The following MKLN1 variants were observed in gnomAD, a reference collection of about 807,000 sequenced individuals.
MKLN1 encodes the protein muskelin 1.
MKLN1 carries 18 observed loss-of-function variants against 99.0 expected under a neutral mutation model. The ratio of observed to expected loss-of-function variants is 0.18; its 90% CI spans 0.13 to 0.27. The LOEUF (loss-of-function observed/expected upper bound fraction) is 0.27, where lower values mean the gene tolerates loss of function less well. Among genes scored for constraint, MKLN1 ranks in the 10% least tolerant of loss-of-function variants. The pLI, the probability that MKLN1 is intolerant of heterozygous loss-of-function variation, is 1.00. For synonymous variants in MKLN1, 288 were observed against 293.2 expected (o/e 0.98, Z 0.18); for missense variants, 621 against 875.9 (o/e 0.71, Z 3.67).
chr7:131,328,661 C>G (rs1798971457), intron 1 of MKLN1, among the ~76,000 whole-genome samples: 2 of 152,110 alleles, frequency 1.3e-5, no homozygotes, highest in Admixed American at 1.3e-4. Context: ...TTCAGTATTA[C>G]GGCTCATTAG....
chr7:131,384,612 G>T (rs143176685), intron 2 of MKLN1, among the ~76,000 whole-genome samples: 3 of 152,248 alleles, frequency 2.0e-5, no homozygotes, highest in Non-Finnish European at 2.9e-5. Context: ...CCATCGATTT[G>T]TTATAATTTG....
intron 3 of MKLN1, among the ~76,000 whole-genome samples, chr7:131,268,816 G>C (rs1797845417): frequency 1.3e-5 from 2 of 152,142 alleles, no homozygotes; most frequent in Non-Finnish European, 2.9e-5. Context: ...TGCTGTTCTT[G>C]TATGTCGTCA....
At chr7:131,141,254 G>T (rs575867171) in intron 1 of MKLN1, among the ~76,000 whole-genome samples, 13 of 152,280 alleles carry the variant, frequency 8.5e-5, no homozygotes, top group African/African-American at 2.6e-4. Context: ...ACTGCTTGCT[G>T]TTGCTCTGAA....
chr7:131,466,139 C>T (rs1394075632), intron 14 of MKLN1, 137 bp from the exon 15 acceptor site: 6 of 556,098 alleles, frequency 1.1e-5, no homozygotes, highest in African/African-American at 7.8e-5. Context: ...TCAAGAGAAG[C>T]TTTTGGTAAA....
chr7:131,273,347 G>C (rs961752777), intron 3 of MKLN1, among the ~76,000 whole-genome samples: 20 of 1,274 alleles, frequency 0.016, no homozygotes, highest in Non-Finnish European at 0.13. Context: ...TTTGGAAAAG[G>C]TCCATTTTTT....
At position 131,489,551 on chromosome 7, in the gene MKLN1, G is replaced by T. The variant is rs1337313794; in HGVS notation, c.*1823G>T. ...CCTGTTAAATCTTTTGTGGAGACAG[G>T]TGCAAATCAGAAGATTGACAAGGAA... On this transcript the variant is annotated 3_prime_UTR_variant, in exon 18 of 18. Coordinates refer to ENST00000352689, the MANE Select transcript of MKLN1 (RefSeq NM_013255.5). 1 of 152,102 alleles carries T rather than the reference G, an allele frequency of 6.6e-6. No individual in the cohort carries two copies. Among genetic ancestry groups the T allele is most frequent in the East Asian group, 1.9e-4 (1 of 5,204 alleles). 9.4% of individuals were successfully genotyped at this position (152,102 alleles called of 1,614,324 possible).
At chr7:131,466,070 A>T (rs951026214) in intron 14 of MKLN1, among the ~76,000 whole-genome samples, 1 of 152,180 alleles carries the variant, frequency 6.6e-6, no homozygotes, top group Non-Finnish European at 1.5e-5. Context: ...TCACTTTGGC[A>T]TATGTGCAGT....
chr7:131,465,817 G>A (rs1796646615), intron 14 of MKLN1, among the ~76,000 whole-genome samples: 1 of 152,170 alleles, frequency 6.6e-6, no homozygotes, highest in Non-Finnish European at 1.5e-5. Flanking sequence ...GGGATTACAG[G>A]CGTGAGCCAC....
rs140069166 is a variant in MKLN1, at chr7:131,385,745, G to A, written c.169-1375G>A. 3.4e-4 allele frequency among the ~76,000 whole-genome samples: 52 copies of A among 151,918 alleles called. No individual in the cohort carries two copies. The East Asian group carries it at 9.3e-3, about 27-fold the overall frequency. On this transcript the variant is annotated intron_variant, in intron 2 of 17. Coordinates refer to ENST00000352689, the MANE Select transcript of MKLN1 (RefSeq NM_013255.5). ...GTCTTTTTGTTGTTAAATTGTAGGG[G>A]CATTTTTAATATATTCCAGATACCA... is the stretch of plus-strand genomic sequence containing the variant.
chr7:131,186,772 T>A (rs769369185), intron 2 of MKLN1, among the ~76,000 whole-genome samples: 4 of 152,192 alleles, frequency 2.6e-5, no homozygotes, highest in Non-Finnish European at 5.9e-5. Flanking sequence ...CCATAGTAAG[T>A]GTCTGGTACC....
chr7:131,352,142 A>C (rs1799738477), intron 1 of MKLN1, among the ~76,000 whole-genome samples: 1 of 152,176 alleles, frequency 6.6e-6, no homozygotes, highest in Non-Finnish European at 1.5e-5. Context: ...ATTTATGAAC[A>C]TTAGTCTCTT....
chr7:131,327,314 C>T (rs1225598380), upstream of MKLN1: 2 of 152,332 alleles, frequency 1.3e-5, no homozygotes, highest in African/African-American at 4.8e-5. Flanking sequence ...TGAAGGGCAT[C>T]ACAGACTGCA....
intron 3 of MKLN1, among the ~76,000 whole-genome samples, chr7:131,207,906 A>G (rs1796843624): frequency 6.6e-6 from 1 of 152,242 alleles, no homozygotes; most frequent in Non-Finnish European, 1.5e-5. Context: ...AGAAATATGA[A>G]AAACCTAAGA....
At chr7:131,110,991 GCAGGGAAATATACGGA>G (rs939360362) in intron 1 of MKLN1, among the ~76,000 whole-genome samples, 1 of 152,202 alleles carries the variant, frequency 6.6e-6, no homozygotes, top group Non-Finnish European at 1.5e-5. Context: ...ACAACTGAGA[GCAGGGAAATATACGGA>G]CAGGCTTGGC....
intron 1 of MKLN1, 36 bp downstream of exon 1, chr7:131,328,033 C>A (rs541879052): frequency 1.2e-6 from 2 of 1,608,622 alleles, no homozygotes; most frequent in Middle Eastern, 1.7e-4. Context: ...CTGCCCCACC[C>A]TTCCGCGTCA....
At chr7:131,437,448 T>C (rs969759876) in intron 9 of MKLN1, among the ~76,000 whole-genome samples, 5 of 152,226 alleles carry the variant, frequency 3.3e-5, no homozygotes, top group African/African-American at 1.2e-4. Context: ...AATTGAACTC[T>C]GCACAAATGA....
chr7:131,195,747 T>C (rs1318457059), intron 2 of MKLN1, among the ~76,000 whole-genome samples: 1 of 151,988 alleles, frequency 6.6e-6, no homozygotes. Context: ...GGTCAGGAGA[T>C]TGAAACCAGC....
intron 1 of MKLN1, among the ~76,000 whole-genome samples, chr7:131,117,162 T>C (rs549500860): frequency 6.6e-6 from 1 of 152,140 alleles, no homozygotes; most frequent in East Asian, 1.9e-4. Flanking sequence ...CTGGGCGCGG[T>C]GGCTCAGGCC....
At chr7:131,351,993 G>T (rs1313016722) in intron 1 of MKLN1, among the ~76,000 whole-genome samples, 1 of 151,904 alleles carries the variant, frequency 6.6e-6, no homozygotes, top group Non-Finnish European at 1.5e-5. Context: ...GAGCTTTTTG[G>T]TTACTCTGAA....
Sources: gnomAD v4.1 joint callset for allele counts (sites outside exome capture counted in the v4.1 genomes callset) on GRCh38, gnomAD v4.1.1 for gene constraint, MANE v1.5 for transcripts, NCBI Gene and HGNC (gene_info 2026-07-23, HGNC 2026-07-21) for gene names.